Variants in ERAP1 observed in about 807,000 individuals in gnomAD.
ERAP1 encodes the protein endoplasmic reticulum aminopeptidase 1.
A neutral mutation model predicts 103.7 loss-of-function variants in ERAP1; 86 were observed. The observed-to-expected ratio is 0.83, with a 90% confidence interval of 0.70 to 0.99. The LOEUF (loss-of-function observed/expected upper bound fraction) is 0.99, where lower values mean the gene tolerates loss of function less well. ERAP1 is among the 50% of genes least tolerant of loss of function. The probability of loss-of-function intolerance (pLI) is 0.00; values close to 1 mark genes in which losing one functional copy is unlikely to be tolerated. For missense variants in ERAP1, 1,009 were observed against 1,128.4 expected (o/e 0.89, Z 1.52); for synonymous variants, 398 against 402.4 (o/e 0.99, Z 0.13).
the ERAP1 span, chr5:96,886,648 T>A: frequency 3.3e-6 from 5 of 1,500,818 alleles, no homozygotes; most frequent in Non-Finnish European, 4.5e-6. Context: ...CCTTTTCCTT[T>A]CTGTAGGTTA....
the ERAP1 span, among the ~76,000 whole-genome samples, chr5:96,842,004 C>T: frequency 6.6e-6 from 1 of 152,100 alleles, no homozygotes; most frequent in African/African-American, 2.4e-5. Context: ...GTCCTCACAG[C>T]TTAGCTCCCA....
the ERAP1 span, among the ~76,000 whole-genome samples, chr5:96,870,608 C>A: frequency 1.3e-5 from 2 of 152,166 alleles, no homozygotes; most frequent in African/African-American, 4.8e-5. Flanking sequence ...CAGGGCTCCC[C>A]AGGGTGTTTT....
At chr5:96,908,689 T>A in the ERAP1 span, among the ~76,000 whole-genome samples, 2 of 152,210 alleles carry the variant, frequency 1.3e-5, no homozygotes, top group Admixed American at 6.5e-5. Context: ...AAATGCTTTT[T>A]AAAATATTAG....
At chr5:96,854,719 G>C in the ERAP1 span, among the ~76,000 whole-genome samples, 2 of 152,042 alleles carry the variant, frequency 1.3e-5, no homozygotes, top group Non-Finnish European at 2.9e-5. Flanking sequence ...AATTTCCATG[G>C]GCATTTGCCA....
At chr5:96,859,326 G>A in the ERAP1 span, among the ~76,000 whole-genome samples, 6 of 152,084 alleles carry the variant, frequency 3.9e-5, no homozygotes, top group Non-Finnish European at 8.8e-5. Flanking sequence ...CACAGCAGGG[G>A]GCCACATTCA....
chr5:96,916,770 T>C, the ERAP1 span, among the ~76,000 whole-genome samples: 1 of 151,234 alleles, frequency 6.6e-6, no homozygotes, highest in Non-Finnish European at 1.5e-5. Context: ...CCTATCTTTT[T>C]TTTTTTTTTA....
At chr5:96,786,830 A>T (rs1776072557) in intron 11 of ERAP1, 4 of 387,440 alleles carry the variant, frequency 1.0e-5, no homozygotes, top group Non-Finnish European at 1.9e-5. Context: ...TGCATCTCAG[A>T]GGCCTAACTT....
chr5:96,923,291 C>A, the ERAP1 span, among the ~76,000 whole-genome samples: 3 of 152,112 alleles, frequency 2.0e-5, no homozygotes, highest in African/African-American at 7.2e-5. Context: ...ATTTTAAGAC[C>A]AAGGGAAACA....
chr5:96,807,930 G>A lies in ERAP1; in HGVS notation c.-88C>T, dbSNP rs923900219. On this transcript the variant is annotated 5_prime_UTR_variant, in exon 1 of 19. Transcript: ENST00000443439. ...ACTGCCGCCGGCCTAGCTCCCCCAG[G>A]ACCGAAAGTGAAAGTGGAGCCCGGG... is the stretch of plus-strand genomic sequence containing the variant. 3.0e-5 allele frequency: 30 copies of A among 986,034 alleles called. No individual in the cohort carries two copies. The highest frequency in any genetic ancestry group is 3.6e-5 in the Non-Finnish European group (30 of 830,428). The allele number at this position is 986,034 out of a possible 1,614,324, so 61.1% of individuals were successfully genotyped here. A position where few individuals can be genotyped will look rare whatever the true frequency, so the allele number is the denominator to read the frequency against.
the ERAP1 span, chr5:96,917,524 T>C: frequency 2.5e-6 from 4 of 1,613,998 alleles, no homozygotes; most frequent in Non-Finnish European, 2.5e-6. Context: ...TTCAAACTGT[T>C]CTGGAAACGA....
At chr5:96,933,936 C>T in the ERAP1 span, among the ~76,000 whole-genome samples, 1 of 152,144 alleles carries the variant, frequency 6.6e-6, no homozygotes, top group African/African-American at 2.4e-5. Flanking sequence ...GTTCTGATTA[C>T]CTTTCACACA....
the ERAP1 span, among the ~76,000 whole-genome samples, chr5:96,921,741 T>C: frequency 2.0e-5 from 3 of 152,254 alleles, no homozygotes; most frequent in South Asian, 2.1e-4. Flanking sequence ...TTTACACACA[T>C]GATTTCCCAC....
At chr5:96,863,616 CTG>C in the ERAP1 span, among the ~76,000 whole-genome samples, 41,312 of 151,878 alleles carry the variant, frequency 0.27, 6,875 homozygotes, top group East Asian at 0.56. Context: ...TCTTTTTACT[CTG>C]TATTTTCTCT....
chr5:96,791,946 A>C, intron 8 of ERAP1, 115 bp downstream of exon 8: 2 of 1,134,102 alleles, frequency 1.8e-6, no homozygotes, highest in Non-Finnish European at 2.6e-6. Flanking sequence ...AGCACGTGTC[A>C]AGAGAGAAGG....
intron 4 of ERAP1, among the ~76,000 whole-genome samples, chr5:96,795,364 T>A (rs995214755): frequency 3.3e-5 from 5 of 152,246 alleles, no homozygotes; most frequent in African/African-American, 1.2e-4. Flanking sequence ...AAATGCTGGA[T>A]AACATGTATA....
chr5:96,902,280 G>A, the ERAP1 span: 1 of 1,603,276 alleles, frequency 6.2e-7, no homozygotes, highest in Non-Finnish European at 8.5e-7. Flanking sequence ...ATAGGTACCT[G>A]TGGCATATCC....
At chr5:96,797,078 G>A (rs866858138) in intron 4 of ERAP1, 97 bp downstream of exon 4, 28 of 1,446,962 alleles carry the variant, frequency 1.9e-5, no homozygotes, top group South Asian at 7.0e-5. Context: ...GGGTTTACAC[G>A]CACGACCCAC....
the ERAP1 span, among the ~76,000 whole-genome samples, chr5:96,921,933 T>C: frequency 6.6e-6 from 1 of 152,230 alleles, no homozygotes. Flanking sequence ...CCAGAATAAA[T>C]TGTCTGTGAA....
chr5:96,894,372 T>A, the ERAP1 span, among the ~76,000 whole-genome samples: 2 of 152,302 alleles, frequency 1.3e-5, no homozygotes, highest in South Asian at 4.1e-4. Context: ...AAAGGAATAG[T>A]GCTTAAACTG....
Sources: allele counts gnomAD v4.1 joint callset (sites outside exome capture counted in the v4.1 genomes callset), GRCh38; gene constraint gnomAD v4.1.1; transcripts MANE v1.5; gene names NCBI Gene and HGNC (gene_info 2026-07-23, HGNC 2026-07-21).